The following C9orf72 variants were observed in gnomAD, a reference collection of about 807,000 sequenced individuals.
C9orf72 encodes the protein C9orf72-SMCR8 complex subunit.
In C9orf72, 44 loss-of-function variants were observed where a neutral mutation model predicts 51.6. The observed-to-expected ratio is 0.85, with a 90% CI of 0.67 to 1.10. C9orf72 has a LOEUF of 1.10. Among genes scored for constraint, C9orf72 ranks in the 50% least tolerant of loss-of-function variants. The probability of loss-of-function intolerance (pLI) is 0.00; values close to 1 mark genes in which losing one functional copy is unlikely to be tolerated. For missense variants in C9orf72, 607 were observed against 570.6 expected (o/e 1.06, Z -0.65); for synonymous variants, 213 against 194.2 (o/e 1.10, Z -0.81).
intron 1 of C9orf72, among the ~76,000 whole-genome samples, chr9:27,568,421 GAGA>G (rs1395263207): frequency 1.3e-5 from 2 of 152,132 alleles, no homozygotes; most frequent in African/African-American, 4.8e-5. Context: ...CAGACATGAG[GAGA>G]AGAACATAAA....
chr9:27,551,074 T>C (rs1488940234), intron 8 of C9orf72, among the ~76,000 whole-genome samples: 1 of 131,754 alleles, frequency 7.6e-6, no homozygotes, highest in Non-Finnish European at 1.7e-5. Context: ...CTACCAATTC[T>C]TGCCATCTCA....
At position 27,566,961 on chromosome 9, in the gene C9orf72, G is replaced by A. The variant is rs199871012; in HGVS notation, c.160C>T (p.Leu54Phe). The change falls in exon 2 of 11, where the codon CTC becomes TTC. Residue 54 changes from leucine (L) to phenylalanine (F), a missense_variant. Coordinates refer to ENST00000380003, the MANE Select transcript of C9orf72 (RefSeq NM_018325.5). ...IWAPKTEQVL[L>F]SDGEITFLAN... ...AGAAAAGTTATTTCTCCATCACTGA[G>A]AAGTACCTGTTCTGTCTTTGGAGCC... The A allele has an allele frequency of 6.2e-7, 1 of 1,614,086 alleles. No homozygotes were observed. The highest frequency in any genetic ancestry group is 1.7e-5 in the Admixed American group (1 of 60,016).
At chr9:27,549,882 TC>T (rs982353224) in intron 9 of C9orf72, among the ~76,000 whole-genome samples, 9 of 151,566 alleles carry the variant, frequency 5.9e-5, no homozygotes, top group African/African-American at 2.2e-4. Context: ...TACAGGCTCT[TC>T]CCCATTAATA....
At chr9:27,548,907 C>G (rs1044057112) in intron 9 of C9orf72, among the ~76,000 whole-genome samples, 5 of 151,368 alleles carry the variant, frequency 3.3e-5, no homozygotes, top group African/African-American at 9.7e-5. Context: ...TGCAGTGGCG[C>G]GATCTTGACT....
At position 27,562,182 on chromosome 9, in the gene C9orf72, C is replaced by T. The variant is rs1191765706; in HGVS notation, c.600+199G>A. ...AACAAAATGAATTTAATTTTGTCAT[C>T]ACTGATCAAAAATGCCTCTGTTTTG... is the stretch of plus-strand genomic sequence containing the variant. On this transcript the variant is annotated intron_variant, in intron 4 of 10. Transcript: ENST00000380003. Among the ~76,000 whole-genome samples the T allele has an allele frequency of 2.0e-5, 3 of 152,242 alleles. No homozygotes were observed. The East Asian group carries it at 5.8e-4, about 29-fold the overall frequency.
intron 3 of C9orf72, among the ~76,000 whole-genome samples, chr9:27,563,166 G>A (rs1296550589): frequency 6.6e-6 from 1 of 152,066 alleles, no homozygotes; most frequent in Non-Finnish European, 1.5e-5. Flanking sequence ...ACTCATAAAA[G>A]TATAATCTAC....
chr9:27,564,156 C>CAAAA (rs11438223), intron 3 of C9orf72, among the ~76,000 whole-genome samples: 36 of 86,694 alleles, frequency 4.2e-4, no homozygotes, highest in African/African-American at 1.4e-3. Flanking sequence ...TCAACAACAC[C>CAAAA]AAAAAAAAAA....
rs554627199 is a variant in C9orf72, at chr9:27,565,413, T to C, written c.504+118A>G. ...CTCCAGTTTATTCTGTACACCTCCA[T>C]AAAAGCTCCATTAAAGGCTTATTCG... On this transcript the variant is annotated intron_variant, in intron 3 of 10. Transcript: ENST00000380003. The C allele has an allele frequency of 5.2e-6, 3 of 572,156 alleles. No homozygotes were observed. The South Asian group carries it at 8.2e-5, about 16-fold the overall frequency. 35.4% of individuals were successfully genotyped at this position (572,156 alleles called of 1,614,324 possible).
intron 6 of C9orf72, chr9:27,559,566 T>C (rs1819291243): frequency 6.6e-6 from 1 of 152,152 alleles, no homozygotes; most frequent in African/African-American, 2.4e-5. Context: ...ACATATTTCC[T>C]ATGTAAAACT....
Position 27,550,043 on chromosome 9 carries a change from A to G in C9orf72, c.1149+607T>C, listed in dbSNP as rs562668789. ...AATATATTACACTCTATCATAGAGT[A>G]TATGTTATATATTTTACATATCATA... On this transcript the variant is annotated intron_variant, in intron 9 of 10. Transcript: ENST00000380003. Among the ~76,000 whole-genome samples the G allele has an allele frequency of 1.7e-4, 26 of 150,724 alleles. No homozygotes were observed. In the East Asian group the frequency reaches 5.0e-3, roughly 29 times the overall value.
chr9:27,550,684 T>C lies in C9orf72; in HGVS notation c.1115A>G (p.His372Arg). ...PDLNIFQDVLHRDTLVKAFLD... is the reference protein window; with the variant it reads ...PDLNIFQDVLRRDTLVKAFLD... Reference sequence around the variant, plus strand: ...GAAGGCTTTCACTAGAGTGTCTCTGTGTAAGACATCTTGAAAAATATTCCT... The same window carrying C: ...GAAGGCTTTCACTAGAGTGTCTCTGCGTAAGACATCTTGAAAAATATTCCT... Residue 372 changes from histidine to arginine, a missense_variant, in exon 9 of 11, where the codon CAC becomes CGC. By Grantham distance (29) the His-to-Arg change is conservative. Coordinates refer to ENST00000380003, the MANE Select transcript of C9orf72 (RefSeq NM_018325.5). 1 of 1,587,528 alleles carries C rather than the reference T, an allele frequency of 6.3e-7. No homozygotes were observed. The highest frequency in any genetic ancestry group is 8.6e-7 in the Non-Finnish European group (1 of 1,163,836).
chr9:27,551,460 A>G (rs1820907420), intron 8 of C9orf72, among the ~76,000 whole-genome samples: 1 of 152,202 alleles, frequency 6.6e-6, no homozygotes, highest in African/African-American at 2.4e-5. Flanking sequence ...GGTTCTACTC[A>G]GGCCAGAGGG....
chr9:27,559,015 T>C (rs1819275924), intron 6 of C9orf72: 1 of 153,656 alleles, frequency 6.5e-6, no homozygotes, highest in Admixed American at 6.5e-5. Flanking sequence ...AGAGAATTAA[T>C]TATTGAATTT....
chr9:27,559,083 G>A (rs1212857867), intron 6 of C9orf72: 1 of 152,572 alleles, frequency 6.6e-6, no homozygotes, highest in Non-Finnish European at 1.5e-5. Context: ...AATAATATTT[G>A]ACCTACAGCT....
chr9:27,548,127 G>T lies in C9orf72; in HGVS notation c.*109C>A. 1.3e-6 allele frequency: 1 copy of T among 762,986 alleles called. No homozygotes were observed. Among genetic ancestry groups the T allele is most frequent in the Non-Finnish European group, 2.0e-6 (1 of 490,286 alleles). The allele number at this position is 762,986 out of a possible 1,614,324, so 47.3% of individuals were successfully genotyped here. On this transcript the variant is annotated 3_prime_UTR_variant, in exon 11 of 11. Transcript: ENST00000380003. ...TAGTGTAACTTACTTAACTGCAATTGCTGAGAGCAGAATTCTGGAGTATGA... is the reference window on the plus strand; with the variant it reads ...TAGTGTAACTTACTTAACTGCAATTTCTGAGAGCAGAATTCTGGAGTATGA...
intron 3 of C9orf72, 89 bp from the exon 4 acceptor site, chr9:27,562,565 C>T: frequency 5.4e-6 from 3 of 556,372 alleles, no homozygotes; most frequent in Non-Finnish European, 9.2e-6. Flanking sequence ...CAAACAATAA[C>T]ATTCTTTGAT....
chr9:27,555,787 T>C (rs2131533337), intron 8 of C9orf72, among the ~76,000 whole-genome samples: 2 of 152,232 alleles, frequency 1.3e-5, no homozygotes, highest in Middle Eastern at 6.8e-3. Context: ...GGTCTGGAAC[T>C]CCTGGCCTCA....
intron 1 of C9orf72, among the ~76,000 whole-genome samples, chr9:27,569,554 G>A (rs1042889030): frequency 2.6e-5 from 4 of 152,160 alleles, no homozygotes; most frequent in African/African-American, 7.2e-5. Flanking sequence ...TGTGGCCTAG[G>A]AGCAACAGAC....
At chr9:27,559,235 T>C (rs1398735109) in intron 6 of C9orf72, 1 of 144,546 alleles carries the variant, frequency 6.9e-6, no homozygotes, top group African/African-American at 2.6e-5. Flanking sequence ...TAAGCTATTC[T>C]CCCTCAAGAG....
Sources: gnomAD v4.1 joint callset for allele counts (sites outside exome capture counted in the v4.1 genomes callset) on GRCh38, gnomAD v4.1.1 for gene constraint, MANE v1.5 for transcripts, NCBI Gene and HGNC (gene_info 2026-07-23, HGNC 2026-07-21) for gene names.